The following GPR37 variants were observed in gnomAD, a reference collection of about 807,000 sequenced individuals.
The protein encoded by GPR37 is prosaposin receptor GPR37.
A neutral mutation model predicts 43.6 loss-of-function variants in GPR37; 20 were observed. That is an observed-to-expected ratio of 0.46 (90% confidence interval 0.32 to 0.67). The LOEUF is 0.67. GPR37 is among the 30% of genes least tolerant of loss of function. The probability of loss-of-function intolerance (pLI) is 0.03; values close to 1 mark genes in which losing one functional copy is unlikely to be tolerated. For missense variants in GPR37, 724 were observed against 797.2 expected, an observed-to-expected ratio of 0.91 and a Z score of 1.11; for synonymous variants, 315 against 322.6, an observed-to-expected ratio of 0.98 and a Z score of 0.25.
At chr7:124,749,775 A>G (rs1793712042) in intron 1 of GPR37, among the ~76,000 whole-genome samples, 1 of 152,136 alleles carries the variant, frequency 6.6e-6, no homozygotes, top group Non-Finnish European at 1.5e-5. Flanking sequence ...GAAAAAAAAA[A>G]TATGGCTAGC....
In GPR37 at chr7:124,744,933, T is replaced by A. The variant is rs1221698775; in HGVS notation, c.*1592A>T. Reference sequence around the variant, plus strand: ...AGCTCAGGTGTCCTCTTGAGAAATTTTCCAAAGACCTATTACAGGGATCTA... The same window carrying A: ...AGCTCAGGTGTCCTCTTGAGAAATTATCCAAAGACCTATTACAGGGATCTA... On this transcript the variant is annotated 3_prime_UTR_variant, in exon 2 of 2. Coordinates refer to ENST00000303921, the MANE Select transcript of GPR37 (RefSeq NM_005302.5). 6.6e-6 allele frequency: 1 copy of A among 152,142 alleles called. No homozygotes were observed. The highest frequency in any genetic ancestry group is 1.5e-5 in the Non-Finnish European group (1 of 68,028). The allele number at this position is 152,142 out of a possible 1,614,324, so 9.4% of individuals were successfully genotyped here.
At position 124,746,197 on chromosome 7, in the gene GPR37, C is replaced by CA. The variant is rs1793667825; in HGVS notation, c.*327dup. The CA allele has an allele frequency of 5.4e-6, 1 of 185,692 alleles. No homozygotes were observed. The allele number at this position is 185,692 out of a possible 1,614,324, so 11.5% of individuals were successfully genotyped here. On this transcript the variant is annotated 3_prime_UTR_variant, in exon 2 of 2. Transcript: ENST00000303921. ...ACCTACAAAATCACATTGCTATAAT[C>CA]AATATACAATAATTGTATTTTTAAA... is the stretch of plus-strand genomic sequence containing the variant.
intron 1 of GPR37, among the ~76,000 whole-genome samples, chr7:124,747,762 G>A (rs1793690339): frequency 6.6e-6 from 1 of 152,052 alleles, no homozygotes; most frequent in African/African-American, 2.4e-5. Flanking sequence ...GGATGCTCAT[G>A]TTTTCCAGTG....
rs765733121 is a variant in GPR37 at position 124,764,331 on chromosome 7, C to T, written c.646G>A (p.Gly216Ser). The change falls in exon 1 of 2, where the codon GGC (glycine) becomes AGC (serine). Residue 216 changes from glycine to serine, a missense_variant. Physicochemically the swap from Gly to Ser is moderately conservative, Grantham distance 56 (BLOSUM62 0). Around this residue, in one of 2 missense-constraint regions of GPR37, gnomAD observed 382 missense variants for 355.4 expected, o/e 1.07. Coordinates refer to ENST00000303921, the MANE Select transcript of GPR37 (RefSeq NM_005302.5). This position sits in a 1 kb window ranked among gnomAD's most constrained non-coding sequence, Gnocchi z 5.4. ...GATCCATTCTGGGCCAGCGCCCGGCCCGGGAGTGCAATTGTCCACCCTTCG... is the reference window on the plus strand; with the variant it reads ...GATCCATTCTGGGCCAGCGCCCGGCTCGGGAGTGCAATTGTCCACCCTTCG... ...GHEGWTIALP[G>S]RALAQNGSLG... 11 of 1,611,934 alleles carry T rather than the reference C, an allele frequency of 6.8e-6. No homozygotes were observed. Among genetic ancestry groups the T allele is most frequent in the Non-Finnish European group, 9.3e-6 (11 of 1,179,170 alleles).
chr7:124,752,543 G>A (rs1584724417), intron 1 of GPR37, among the ~76,000 whole-genome samples: 1 of 152,206 alleles, frequency 6.6e-6, no homozygotes, highest in Middle Eastern at 3.4e-3. Flanking sequence ...CCCTTGATCT[G>A]GGACATATCC....
Position 124,764,801 on chromosome 7 carries a change from G to A in GPR37, c.176C>T (p.Pro59Leu), listed in dbSNP as rs773928348. The change falls in exon 1 of 2, where the codon CCG (proline) becomes CTG (leucine). Residue 59 changes from proline (P) to leucine (L), a missense_variant. By Grantham distance (98) the Pro-to-Leu change is moderately conservative (BLOSUM62 -3). Transcript: ENST00000303921. The surrounding 1 kb of genome is among the most constrained non-coding windows in gnomAD (Gnocchi z 5.4). The stretch of plus-strand genomic sequence containing the variant: ...CAGAACGTCTCTTGCAGAATTTCCC[G>A]GTCCCCAGGCGTCCCTGCCGCGGCG... ...IQRRGRDAWGPGNSARDVLRA... is the reference protein window; with the variant it reads ...IQRRGRDAWGLGNSARDVLRA... 6.2e-7 allele frequency: 1 copy of A among 1,613,534 alleles called. No individual in the cohort carries two copies.
At chr7:124,753,833 G>A (rs1793758950) in intron 1 of GPR37, among the ~76,000 whole-genome samples, 1 of 152,036 alleles carries the variant, frequency 6.6e-6, no homozygotes, top group African/African-American at 2.4e-5. Flanking sequence ...TTGTCCCTCT[G>A]TTAAACATGT....
At chr7:124,757,597 GCA>G (rs1562959522) in intron 1 of GPR37, among the ~76,000 whole-genome samples, 1 of 152,178 alleles carries the variant, frequency 6.6e-6, no homozygotes. Context: ...ATTAGAGGGA[GCA>G]CAGTTTTCCC....
At chr7:124,753,548 G>GA (rs901990981) in intron 1 of GPR37, among the ~76,000 whole-genome samples, 39 of 147,664 alleles carry the variant, frequency 2.6e-4, no homozygotes, top group African/African-American at 6.2e-4. Context: ...CCACAAAGTG[G>GA]AAAAAAAAAA....
intron 1 of GPR37, among the ~76,000 whole-genome samples, chr7:124,761,923 A>G (rs1793855902): frequency 6.6e-6 from 1 of 152,174 alleles, no homozygotes; most frequent in Non-Finnish European, 1.5e-5. Flanking sequence ...TAAAAAATAA[A>G]TGAGTGAATT....
chr7:124,748,873 C>G (rs957524421), intron 1 of GPR37, among the ~76,000 whole-genome samples: 1 of 151,782 alleles, frequency 6.6e-6, no homozygotes, highest in African/African-American at 2.4e-5. Flanking sequence ...GGAATATAAA[C>G]ACATGTTCCT....
rs1034128644 is a variant in GPR37 at position 124,746,211 on chromosome 7, T to C, written c.*314A>G. 4.9e-6 allele frequency: 1 copy of C among 204,930 alleles called. No individual in the cohort carries two copies. The highest frequency in any genetic ancestry group is 9.7e-6 in the Non-Finnish European group (1 of 103,248). The allele number at this position is 204,930 out of a possible 1,614,324, so 12.7% of individuals were successfully genotyped here. ...ATTGCTATAATCAATATACAATAAT[T>C]GTATTTTTAAAAGAAGAAAAAACGT... On this transcript the variant is annotated 3_prime_UTR_variant, in exon 2 of 2. Coordinates refer to ENST00000303921, the MANE Select transcript of GPR37 (RefSeq NM_005302.5).
intron 1 of GPR37, among the ~76,000 whole-genome samples, chr7:124,753,717 A>C (rs971905453): frequency 1.3e-5 from 2 of 152,152 alleles, no homozygotes; most frequent in Non-Finnish European, 2.9e-5. Context: ...CATGGAAATG[A>C]TACGGGTCCT....
intron 1 of GPR37, among the ~76,000 whole-genome samples, chr7:124,758,002 C>T (rs919818123): frequency 2.0e-5 from 3 of 152,060 alleles, no homozygotes; most frequent in Admixed American, 6.5e-5. Context: ...ATATATAATC[C>T]TTAAAAGCTG....
chr7:124,756,003 A>G (rs1350029656), intron 1 of GPR37, among the ~76,000 whole-genome samples: 1 of 152,222 alleles, frequency 6.6e-6, no homozygotes, highest in Non-Finnish European at 1.5e-5. Flanking sequence ...TTGAGAAACC[A>G]TATTTTAGGA....
In GPR37 at chr7:124,764,838, T is replaced by C; in HGVS notation, c.139A>G (p.Thr47Ala). The C allele has an allele frequency of 1.2e-6, 2 of 1,613,668 alleles. No individual in the cohort carries two copies. The highest frequency in any genetic ancestry group is 4.5e-5 in the East Asian group (2 of 44,854). The stretch of plus-strand genomic sequence containing the variant: ...TCCCTGCCGCGGCGCTGGATCACTG[T>C]AGGTGCACAGCTCTCCCCCAGACAA... The part of the protein sequence containing the change: ...ETCLGESCAP[T>A]VIQRRGRDAW... The change falls in exon 1 of 2, where the codon ACA (threonine) becomes GCA (alanine). Residue 47 changes from threonine (T) to alanine (A), a missense_variant. Thr to Ala is a moderately conservative substitution (Grantham distance 58). Around this residue, in one of 2 missense-constraint regions of GPR37, gnomAD observed 382 missense variants for 355.4 expected, o/e 1.07. Transcript: ENST00000303921. The surrounding 1 kb of genome is among the most constrained non-coding windows in gnomAD (Gnocchi z 5.4).
At chr7:124,753,406 T>G (rs1793754122) in intron 1 of GPR37, among the ~76,000 whole-genome samples, 1 of 152,134 alleles carries the variant, frequency 6.6e-6, no homozygotes, top group Non-Finnish European at 1.5e-5. Context: ...ATGTTCAATA[T>G]TCAAGCGACA....
At chr7:124,748,028 C>T (rs1047448083) in intron 1 of GPR37, among the ~76,000 whole-genome samples, 1 of 152,136 alleles carries the variant, frequency 6.6e-6, no homozygotes, top group Non-Finnish European at 1.5e-5. Flanking sequence ...GGGGCACCTG[C>T]CAATCCTGGT....
chr7:124,763,784 C>G (rs1481201730), intron 1 of GPR37, among the ~76,000 whole-genome samples, 170 bp downstream of exon 1: 2 of 152,098 alleles, frequency 1.3e-5, no homozygotes, highest in Non-Finnish European at 2.9e-5. Context: ...GAAGCTGCCT[C>G]TTTTTGTATA....
Sources: gnomAD v4.1 joint callset for allele counts (sites outside exome capture counted in the v4.1 genomes callset) on GRCh38, gnomAD v4.1.1 for gene constraint, gnomAD v4.1.1 regional missense constraint, Gnocchi (gnomAD v3.1) non-coding constraint, MANE v1.5 for transcripts, NCBI Gene and HGNC (gene_info 2026-07-23, HGNC 2026-07-21) for gene names.